Variants in FCGR2A observed in about 807,000 individuals in gnomAD.
The protein encoded by FCGR2A is low affinity immunoglobulin gamma Fc region receptor II-a.
Under a neutral mutation model 29.3 loss-of-function variants are expected in FCGR2A, and 18 were observed. That is an observed-to-expected ratio of 0.62 (90% CI 0.43 to 0.91). The LOEUF is 0.91. Ranked by LOEUF, FCGR2A falls within the 40% of genes least tolerant of loss-of-function variation. The pLI is 0.00. For synonymous variants in FCGR2A, 126 were observed against 144.8 expected, an observed-to-expected ratio of 0.87 and a Z score of 0.93; for missense variants, 287 against 393.0, an observed-to-expected ratio of 0.73 and a Z score of 2.28.
chr1:161,512,106 G>A (rs1291414434), intron 5 of FCGR2A, among the ~76,000 whole-genome samples: 1 of 152,150 alleles, frequency 6.6e-6, no homozygotes, highest in African/African-American at 2.4e-5. Flanking sequence ...TCCAGAGCAA[G>A]AAATCAGAGA....
intron 2 of FCGR2A, 75 bp downstream of exon 2, chr1:161,506,082 CG>C (rs546268519): frequency 3.8e-5 from 56 of 1,478,320 alleles, no homozygotes; most frequent in South Asian, 4.5e-5. Context: ...GCTGGGGCGG[CG>C]GGGGGGTATG....
chr1:161,505,963 G>C, intron 1 of FCGR2A, 24 bp from the exon 2 acceptor site: 2 of 1,613,846 alleles, frequency 1.2e-6, no homozygotes, highest in Non-Finnish European at 1.7e-6. Flanking sequence ...GCTCGACGTT[G>C]ATCCACTCTC....
intron 6 of FCGR2A, among the ~76,000 whole-genome samples, chr1:161,515,142 G>C (rs1198264357): frequency 1.3e-5 from 2 of 152,276 alleles, no homozygotes; most frequent in African/African-American, 4.8e-5. Context: ...AAATGTCTCA[G>C]AAACAATGAT....
chr1:161,521,664 A>T (rs1021583456), downstream of FCGR2A, among the ~76,000 whole-genome samples: 6 of 151,984 alleles, frequency 3.9e-5, no homozygotes, highest in South Asian at 2.1e-4. Context: ...TGTTCTTGTG[A>T]TAGTGAATAA....
intron 3 of FCGR2A, 193 bp downstream of exon 3, chr1:161,506,784 A>C: frequency 8.7e-7 from 1 of 1,155,186 alleles, no homozygotes; most frequent in Non-Finnish European, 1.2e-6. Context: ...GGAATTTCTA[A>C]TAATTTTCTC....
Position 161,518,227 on chromosome 1 carries a change from T to C in FCGR2A, c.*79T>C, listed in dbSNP as rs10919033. On this transcript the variant is annotated 3_prime_UTR_variant, in exon 7 of 7. Transcript: ENST00000271450. Reference sequence around the variant, plus strand: ...AAAGAGGGGAATTGTTAAAGGAAAATTTAAATGGAGACTGGAAAAATCCTG... The same window carrying C: ...AAAGAGGGGAATTGTTAAAGGAAAACTTAAATGGAGACTGGAAAAATCCTG... 171,039 of 1,555,458 alleles carry C rather than the reference T, an allele frequency of 0.11. 10,734 individuals are homozygous for C. The highest frequency in any genetic ancestry group is 0.24 in the East Asian group (10,676 of 44,138).
At chr1:161,520,084 A>G (rs1038271095), downstream of FCGR2A, 19 of 151,900 alleles carry the variant, frequency 1.3e-4, no homozygotes, top group African/African-American at 4.4e-4. Context: ...TCTCTGTTGG[A>G]TAGTTTACAT....
chr1:161,512,218 G>A (rs1303758114), intron 5 of FCGR2A, among the ~76,000 whole-genome samples: 1 of 148,776 alleles, frequency 6.7e-6, no homozygotes, highest in Admixed American at 6.7e-5. Flanking sequence ...AGTCTAAGGG[G>A]AAAGGAGGAG....
In FCGR2A at chr1:161,518,049, C is replaced by T. The variant is rs779796233; in HGVS notation, c.855C>T (p.Asp285=). The T allele has an allele frequency of 2.2e-5, 36 of 1,613,640 alleles. No individual in the cohort carries two copies. The East Asian group carries it at 2.7e-4, about 12-fold the overall frequency. The change falls in exon 7 of 7, where the codon GAC becomes GAT. Residue 285 remains aspartate (D), a synonymous_variant. Coordinates refer to ENST00000271450, the MANE Select transcript of FCGR2A (RefSeq NM_001136219.3). Reference sequence around the variant, plus strand: ...CCAACAATGACTATGAAACAGCTGACGGCGGCTACATGACTCTGAACCCCA... The same window carrying T: ...CCAACAATGACTATGAAACAGCTGATGGCGGCTACATGACTCTGAACCCCA... ...EETNNDYETA[D]GGYMTLNPRA...
At chr1:161,507,432 T>C (rs1041567197) in intron 3 of FCGR2A, among the ~76,000 whole-genome samples, 1 of 152,230 alleles carries the variant, frequency 6.6e-6, no homozygotes, top group Non-Finnish European at 1.5e-5. Flanking sequence ...TTAGATACTG[T>C]TTCTACCTGC....
At position 161,518,064 on chromosome 1, in the gene FCGR2A, T is replaced by A; in HGVS notation, c.870T>A (p.Thr290=). 6.2e-7 allele frequency: 1 copy of A among 1,613,788 alleles called. No homozygotes were observed. ...DYETADGGYM[T]LNPRAPTDDD... ...AAACAGCTGACGGCGGCTACATGAC[T>A]CTGAACCCCAGGGCACCTACTGACG... The change falls in exon 7 of 7, where the codon ACT becomes ACA. Residue 290 remains threonine, a synonymous_variant. Transcript: ENST00000271450.
chr1:161,517,434 C>G (rs1387300218), intron 6 of FCGR2A, among the ~76,000 whole-genome samples: 2 of 152,170 alleles, frequency 1.3e-5, no homozygotes, highest in African/African-American at 4.8e-5. Context: ...CTGAAGAAAG[C>G]AGAAACAAAG....
intron 3 of FCGR2A, among the ~76,000 whole-genome samples, chr1:161,508,295 CT>C (rs35406997): frequency 4.4e-4 from 64 of 144,946 alleles, no homozygotes; most frequent in Non-Finnish European, 4.6e-4. Context: ...ATACAGAATA[CT>C]TTTTTTTTTT....
At chr1:161,510,466 G>A (rs1675696260) in intron 4 of FCGR2A, 2 of 458,158 alleles carry the variant, frequency 4.4e-6, no homozygotes, top group Non-Finnish European at 8.0e-6. Flanking sequence ...GTCATGGACT[G>A]TTCAAGGCTG....
At chr1:161,520,343 G>A (rs985191809), downstream of FCGR2A, among the ~76,000 whole-genome samples, 1 of 152,208 alleles carries the variant, frequency 6.6e-6, no homozygotes, top group African/African-American at 2.4e-5. Context: ...CAGAGTGAGT[G>A]CAAGCAGGGA....
intron 5 of FCGR2A, 52 bp downstream of exon 5, chr1:161,511,008 GCCTAACC>G (rs767021562): frequency 6.2e-7 from 1 of 1,613,558 alleles, no homozygotes; most frequent in Admixed American, 1.7e-5. Flanking sequence ...TTGGCCCAGG[GCCTAACC>G]CCAGACATTG....
At chr1:161,505,617 C>T (rs999815587) in intron 1 of FCGR2A, 65 bp downstream of exon 1, 13 of 1,323,244 alleles carry the variant, frequency 9.8e-6, no homozygotes, top group Non-Finnish European at 1.1e-6. Flanking sequence ...CTCCAGGTAC[C>T]AGTGTGGTAA....
rs1477760746 is a variant in FCGR2A, at chr1:161,519,605, G to T, written c.*1457G>T. On this transcript the variant is annotated 3_prime_UTR_variant, in exon 7 of 7. Coordinates refer to ENST00000271450, the MANE Select transcript of FCGR2A (RefSeq NM_001136219.3). Reference sequence around the variant, plus strand: ...CCTTTTCAGGGCTGTATTGATTGGGGTGTAGACTGAACTATCCGGGGTCTG... The same window carrying T: ...CCTTTTCAGGGCTGTATTGATTGGGTTGTAGACTGAACTATCCGGGGTCTG... 6.6e-6 allele frequency: 1 copy of T among 152,018 alleles called. No homozygotes were observed. The highest frequency in any genetic ancestry group is 1.5e-5 in the Non-Finnish European group (1 of 67,990). 9.4% of individuals were successfully genotyped at this position (152,018 alleles called of 1,614,324 possible).
Position 161,510,852 on chromosome 1 carries a change from C to G in FCGR2A, c.638C>G (p.Ser213Cys). ...ITVQVPSMGS[S>C]SPMGIIVAVV... ...TCCCTAGTGCCCAGCATGGGCAGCT[C>G]TTCACCAATGGGGATCATTGTGGCT... Residue 213 changes from serine to cysteine, a missense_variant, in exon 5 of 7, where the codon TCT (serine) becomes TGT (cysteine). By Grantham distance (112) the Ser-to-Cys change is moderately radical (BLOSUM62 -1). Coordinates refer to ENST00000271450, the MANE Select transcript of FCGR2A (RefSeq NM_001136219.3). 1 of 1,614,196 alleles carries G rather than the reference C, an allele frequency of 6.2e-7. No homozygotes were observed. The highest frequency in any genetic ancestry group is 8.5e-7 in the Non-Finnish European group (1 of 1,180,020).
Sources: allele counts gnomAD v4.1 joint callset (sites outside exome capture counted in the v4.1 genomes callset), GRCh38; gene constraint gnomAD v4.1.1; transcripts MANE v1.5; gene names NCBI Gene and HGNC (gene_info 2026-07-23, HGNC 2026-07-21).